SLC15A1: variants seen among roughly 807,000 people sequenced by gnomAD.
SLC15A1 encodes the protein solute carrier family 15 member 1.
Under a neutral mutation model 92.9 loss-of-function variants are expected in SLC15A1, and 83 were observed. The ratio of observed to expected loss-of-function variants is 0.89; its 90% confidence interval spans 0.75 to 1.07. The LOEUF (loss-of-function observed/expected upper bound fraction) is 1.07, where lower values mean the gene tolerates loss of function less well. Ranked by LOEUF, SLC15A1 falls within the 50% of genes least tolerant of loss-of-function variation. SLC15A1 has a pLI of 0.00. For missense variants in SLC15A1, 857 were observed against 880.1 expected (o/e 0.97, Z 0.33); for synonymous variants, 322 against 318.2 (o/e 1.01, Z -0.13).
chr13:98,704,269 G>A lies in SLC15A1; in HGVS notation c.1416+20C>T, dbSNP rs1303084397. The A allele has an allele frequency of 1.3e-6, 2 of 1,570,798 alleles. No individual in the cohort carries two copies. The highest frequency in any genetic ancestry group is 1.7e-6 in the Non-Finnish European group (2 of 1,163,946). On this transcript the variant is annotated intron_variant, in intron 17 of 22. Transcript: ENST00000376503. Reference sequence around the variant, plus strand: ...TATCACAAATAGCAAAGAGTCAGCTGTAGGTCTTCACACACTTACCACCTG... The same window carrying A: ...TATCACAAATAGCAAAGAGTCAGCTATAGGTCTTCACACACTTACCACCTG...
At chr13:98,697,936 GT>G (rs1352029207) in intron 18 of SLC15A1, among the ~76,000 whole-genome samples, 1 of 152,222 alleles carries the variant, frequency 6.6e-6, no homozygotes, top group African/African-American at 2.4e-5. Flanking sequence ...GTGCTGAAGA[GT>G]TGGTTTTTCA....
At chr13:98,741,863 T>G (rs763639570) in intron 1 of SLC15A1, among the ~76,000 whole-genome samples, 1 of 152,238 alleles carries the variant, frequency 6.6e-6, no homozygotes. Flanking sequence ...TGAATGCCAT[T>G]TGCTCAAAGC....
chr13:98,726,774 C>T, intron 2 of SLC15A1, 69 bp downstream of exon 2: 3 of 1,465,774 alleles, frequency 2.0e-6, no homozygotes, highest in South Asian at 1.1e-5. Flanking sequence ...GTGAATGAAC[C>T]CTTAGGGGTA....
At chr13:98,690,407 A>G (rs1314302544) in intron 18 of SLC15A1, among the ~76,000 whole-genome samples, 1 of 152,154 alleles carries the variant, frequency 6.6e-6, no homozygotes, top group African/African-American at 2.4e-5. Flanking sequence ...ACTGCTCTAG[A>G]CTGTAAGAGC....
chr13:98,702,482 G>A lies in SLC15A1; in HGVS notation c.1464C>T (p.Ile488=). 6.2e-7 allele frequency: 1 copy of A among 1,602,594 alleles called. No individual in the cohort carries two copies. The highest frequency in any genetic ancestry group is 8.5e-7 in the Non-Finnish European group (1 of 1,169,772). The change falls in exon 18 of 23, where the codon ATC becomes ATT. Residue 488 remains isoleucine, a splice_region_variant and synonymous_variant. Transcript: ENST00000376503. ...AAATTTTAAAGAAATATACATACCTGATTCCATTTTCCCCTTTTTCTGGCT... is the reference window on the plus strand; with the variant it reads ...AAATTTTAAAGAAATATACATACCTAATTCCATTTTCCCCTTTTTCTGGCT... ...NQKPEKGENG[I]RFVNTFNELI...
chr13:98,709,880 A>G lies in SLC15A1; in HGVS notation c.932T>C (p.Met311Thr), dbSNP rs773452880. The change falls in exon 12 of 23, where the codon ATG (methionine) becomes ACG (threonine). Residue 311 changes from methionine to threonine, a missense_variant. Coordinates refer to ENST00000376503, the MANE Select transcript of SLC15A1 (RefSeq NM_005073.4). Reference protein sequence around the residue: ...GSRWTLQATTMSGKIGALEIQ... With the variant: ...GSRWTLQATTTSGKIGALEIQ... ...AGTCAAACTTACGATTTTCCCGGAC[A>G]TAGTTGTTGCCTGCAGTGTCCACCT... 7 of 1,614,230 alleles carry G rather than the reference A, an allele frequency of 4.3e-6. No homozygotes were observed. In the East Asian group the frequency reaches 6.7e-5, roughly 15 times the overall value.
intron 2 of SLC15A1, 41 bp downstream of exon 2, chr13:98,726,802 T>C (rs752017891): frequency 6.3e-7 from 1 of 1,597,786 alleles, no homozygotes; most frequent in Non-Finnish European, 8.6e-7. Flanking sequence ...TGATAAAATT[T>C]ACAAGATGAA....
chr13:98,721,521 GA>G lies in SLC15A1; in HGVS notation c.529del (p.Ser177ProfsTer35), dbSNP rs1271691107. Reference protein sequence around the residue: ...YLAINAGSLLSTIITPMLRVQ... With the variant: ...YLAINAGSLLXTIITPMLRVQ... ...TCTGAGCATGGGTGTGATGATTGTG[GA>G]AAGCAAACTTCCAGCATTAATAGCC... On this transcript the variant is annotated frameshift_variant, in exon 7 of 23. Transcript: ENST00000376503. LOFTEE classifies it high-confidence loss of function. The G allele has an allele frequency of 3.1e-6, 5 of 1,613,206 alleles. No individual in the cohort carries two copies. The highest frequency in any genetic ancestry group is 3.4e-6 in the Non-Finnish European group (4 of 1,179,560).
chr13:98,752,181 C>T (rs1311216365), intron 1 of SLC15A1, among the ~76,000 whole-genome samples: 1 of 152,228 alleles, frequency 6.6e-6, no homozygotes, highest in Non-Finnish European at 1.5e-5. Context: ...TCCAGGGTCA[C>T]CTCGCCAGCC....
At chr13:98,725,748 A>G (rs1310324661) in intron 4 of SLC15A1, among the ~76,000 whole-genome samples, 1 of 152,156 alleles carries the variant, frequency 6.6e-6, no homozygotes. Context: ...TTTTTGAGAC[A>G]GGGTCTTGTT....
In SLC15A1 at chr13:98,688,586, G is replaced by A. The variant is rs755056328; in HGVS notation, c.1467-9C>T. 1.3e-6 allele frequency: 2 copies of A among 1,596,292 alleles called. No homozygotes were observed. The highest frequency in any genetic ancestry group is 2.7e-5 in the African/African-American group (2 of 74,540). On this transcript the variant is annotated splice_polypyrimidine_tract_variant and intron_variant, in intron 18 of 22. Transcript: ENST00000376503. Reference sequence around the variant, plus strand: ...TAAAAGTATTTACAAATCTGAAACAGAAAACCATCTGTCTTGTAACTGAAC... The same window carrying A: ...TAAAAGTATTTACAAATCTGAAACAAAAAACCATCTGTCTTGTAACTGAAC...
chr13:98,733,094 G>C (rs2088363115), intron 1 of SLC15A1, among the ~76,000 whole-genome samples: 1 of 152,174 alleles, frequency 6.6e-6, no homozygotes, highest in Non-Finnish European at 1.5e-5. Context: ...CCAAGTCAGG[G>C]AATGTGGTGG....
chr13:98,742,318 T>C (rs1296410060), intron 1 of SLC15A1, among the ~76,000 whole-genome samples: 1 of 152,208 alleles, frequency 6.6e-6, no homozygotes, highest in Non-Finnish European at 1.5e-5. Flanking sequence ...GGGCTGCTTT[T>C]CCCGCCTACA....
At chr13:98,702,621 A>G (rs1048931444) in intron 17 of SLC15A1, 92 bp from the exon 18 acceptor site, 7 of 1,045,026 alleles carry the variant, frequency 6.7e-6, no homozygotes, top group Non-Finnish European at 8.9e-6. Flanking sequence ...AGAAGGTGGT[A>G]TTGACACTTA....
chr13:98,743,647 A>G (rs982689611), intron 1 of SLC15A1, among the ~76,000 whole-genome samples: 4 of 152,172 alleles, frequency 2.6e-5, no homozygotes, highest in African/African-American at 9.7e-5. Context: ...TGCCTCAGGT[A>G]GAGGCCGGGT....
intron 4 of SLC15A1, among the ~76,000 whole-genome samples, chr13:98,725,839 C>T (rs1040700494): frequency 6.6e-6 from 1 of 152,194 alleles, no homozygotes; most frequent in African/African-American, 2.4e-5. Flanking sequence ...GATCCTCCCA[C>T]CTCAGCCTCC....
At chr13:98,710,283 C>T (rs2088151138) in intron 11 of SLC15A1, among the ~76,000 whole-genome samples, 1 of 152,168 alleles carries the variant, frequency 6.6e-6, no homozygotes, top group African/African-American at 2.4e-5. Context: ...TATTCACTGC[C>T]ATCCAAGATT....
chr13:98,729,449 A>C (rs2088330127), intron 1 of SLC15A1, among the ~76,000 whole-genome samples: 1 of 152,190 alleles, frequency 6.6e-6, no homozygotes, highest in African/African-American at 2.4e-5. Context: ...GATGTCAATG[A>C]TGCTGGTCTG....
At chr13:98,745,060 TC>T (rs372444132) in intron 1 of SLC15A1, among the ~76,000 whole-genome samples, 19 of 152,354 alleles carry the variant, frequency 1.2e-4, no homozygotes, top group African/African-American at 4.6e-4. Flanking sequence ...GGAAACTTTA[TC>T]TGCAGGTCCA....
Sources: gnomAD v4.1 joint callset for allele counts (sites outside exome capture counted in the v4.1 genomes callset) on GRCh38, gnomAD v4.1.1 for gene constraint, MANE v1.5 for transcripts, NCBI Gene and HGNC (gene_info 2026-07-23, HGNC 2026-07-21) for gene names.